Variants in LATS2 observed in about 807,000 individuals in gnomAD.
LATS2 encodes serine/threonine-protein kinase LATS2.
LATS2 carries 24 observed loss-of-function variants against 76.0 expected under a neutral mutation model. The observed-to-expected ratio is 0.32, with a 90% CI of 0.23 to 0.44. LATS2 has a LOEUF of 0.44. Ranked by LOEUF, LATS2 falls within the 20% of genes least tolerant of loss-of-function variation. The probability of loss-of-function intolerance (pLI) is 1.00; values close to 1 mark genes in which losing one functional copy is unlikely to be tolerated. For missense variants in LATS2, 1,286 were observed against 1,481.2 expected (o/e 0.87, Z 2.16); for synonymous variants, 692 against 635.4 (o/e 1.09, Z -1.34).
intron 2 of LATS2, among the ~76,000 whole-genome samples, chr13:21,040,647 T>C (rs531962577): frequency 5.9e-5 from 9 of 152,074 alleles, no homozygotes; most frequent in African/African-American, 1.2e-4. Context: ...AGCTCCTCTG[T>C]AGAGGGGAGC....
At position 20,974,423 on chromosome 13, in the gene LATS2, CTT is replaced by C. The variant is rs199516698; in HGVS notation, c.*445_*446del. 1.7e-3 allele frequency: 342 copies of C among 204,972 alleles called. No individual in the cohort carries two copies. The highest frequency in any genetic ancestry group is 3.0e-3 in the Middle Eastern group (2 of 674). 12.7% of individuals were successfully genotyped at this position (204,972 alleles called of 1,614,324 possible). ...TCCGTGACATTGAGCAGAGTGTTAT[CTT>C]TTTTTTTTTTTACATTATTGCACAG... On this transcript the variant is annotated 3_prime_UTR_variant, in exon 8 of 8. Transcript: ENST00000382592.
At chr13:21,059,009 A>G (rs1873537405) in intron 1 of LATS2, among the ~76,000 whole-genome samples, 1 of 152,076 alleles carries the variant, frequency 6.6e-6, no homozygotes, top group South Asian at 2.1e-4. Context: ...ATTTCCTAAT[A>G]ATCAGCCATG....
chr13:20,976,366 G>A (rs150163527), intron 7 of LATS2, among the ~76,000 whole-genome samples: 254 of 152,248 alleles, frequency 1.7e-3, no homozygotes, highest in African/African-American at 5.6e-3. Context: ...AACATAGGGT[G>A]AAATCTTCAT....
intron 2 of LATS2, among the ~76,000 whole-genome samples, chr13:20,992,654 G>A (rs1346521626): frequency 2.0e-5 from 3 of 152,182 alleles, no homozygotes; most frequent in Non-Finnish European, 1.5e-5. Flanking sequence ...GAAGGTCAAC[G>A]AGGAGGGCAA....
At chr13:20,977,602 ATAAT>A (rs1395643701) in intron 7 of LATS2, among the ~76,000 whole-genome samples, 3 of 148,098 alleles carry the variant, frequency 2.0e-5, no homozygotes, top group Non-Finnish European at 2.9e-5. Context: ...AAAATGGTAA[ATAAT>A]TAAAATAATT....
In LATS2 at chr13:20,988,835, G is replaced by A. The variant is rs1870351242; in HGVS notation, c.945C>T (p.His315=). ...CGGGACCGGCCTGCTTGTGGTGTGG[G>A]TGCGGCACGTAGAGCCCGGCGGCAG... is the stretch of plus-strand genomic sequence containing the variant. ...PPPAAGLYVP[H]PHHKQAGPAA... is the part of the protein sequence containing the mutation. Residue 315 remains histidine, a synonymous_variant, in exon 4 of 8, where the codon CAC becomes CAT. Transcript: ENST00000382592. 5.6e-6 allele frequency: 9 copies of A among 1,596,242 alleles called. No individual in the cohort carries two copies. Among genetic ancestry groups the A allele is most frequent in the Non-Finnish European group, 7.6e-6 (9 of 1,177,150 alleles).
intron 2 of LATS2, among the ~76,000 whole-genome samples, chr13:21,024,093 C>CAAAA (rs748881098): frequency 1.1e-3 from 89 of 79,084 alleles, no homozygotes; most frequent in Middle Eastern, 7.1e-3. Context: ...TCTCGCTGTG[C>CAAAA]AAAAAAAAAA....
At chr13:21,021,803 G>C (rs1872076941) in intron 2 of LATS2, among the ~76,000 whole-genome samples, 1 of 152,248 alleles carries the variant, frequency 6.6e-6, no homozygotes, top group Non-Finnish European at 1.5e-5. Context: ...GGTCCACACT[G>C]CAGTTATGCA....
intron 2 of LATS2, among the ~76,000 whole-genome samples, chr13:21,040,695 G>A (rs902946213): frequency 6.6e-6 from 1 of 152,176 alleles, no homozygotes; most frequent in Non-Finnish European, 1.5e-5. Flanking sequence ...GGAGGCCCCA[G>A]GAGCTGCAGC....
chr13:21,056,769 G>A (rs1220342443), intron 1 of LATS2, among the ~76,000 whole-genome samples: 1 of 152,182 alleles, frequency 6.6e-6, no homozygotes, highest in Non-Finnish European at 1.5e-5. Flanking sequence ...TTCCATGGAG[G>A]AGCACAATTC....
chr13:21,060,544 C>T (rs1340132474), intron 1 of LATS2, among the ~76,000 whole-genome samples: 1 of 152,122 alleles, frequency 6.6e-6, no homozygotes, highest in Non-Finnish European at 1.5e-5. Flanking sequence ...GGCCTGGCCG[C>T]CCGCAGCCCG....
chr13:21,040,282 G>C (rs1872823603), intron 2 of LATS2, among the ~76,000 whole-genome samples: 1 of 151,732 alleles, frequency 6.6e-6, no homozygotes, highest in Middle Eastern at 3.4e-3. Context: ...AGTTACTTTG[G>C]AGGTTGAGGC....
intron 2 of LATS2, among the ~76,000 whole-genome samples, chr13:20,995,781 T>C (rs1297695972): frequency 6.6e-6 from 1 of 152,192 alleles, no homozygotes; most frequent in Non-Finnish European, 1.5e-5. Flanking sequence ...TTTGCACACG[T>C]GCCATTCTTC....
At chr13:21,043,507 G>C (rs1872958741) in intron 2 of LATS2, among the ~76,000 whole-genome samples, 1 of 152,160 alleles carries the variant, frequency 6.6e-6, no homozygotes, top group Non-Finnish European at 1.5e-5. Context: ...GCCAAGAAAA[G>C]TGTGAGTTGG....
chr13:21,051,197 G>T (rs1873263548), intron 1 of LATS2, among the ~76,000 whole-genome samples: 1 of 152,202 alleles, frequency 6.6e-6, no homozygotes, highest in African/African-American at 2.4e-5. Flanking sequence ...TGTGAGACAA[G>T]CCCTCTTATA....
intron 2 of LATS2, among the ~76,000 whole-genome samples, chr13:20,999,558 T>G (rs1335277096): frequency 6.6e-6 from 1 of 152,120 alleles, no homozygotes; most frequent in Non-Finnish European, 1.5e-5. Flanking sequence ...AGCCTGGCAC[T>G]GCCCGGCTTA....
chr13:21,020,756 A>C (rs890456030), intron 2 of LATS2, among the ~76,000 whole-genome samples: 3 of 152,192 alleles, frequency 2.0e-5, no homozygotes, highest in Non-Finnish European at 4.4e-5. Context: ...ACATAAGCTG[A>C]CAACTACCCT....
intron 1 of LATS2, among the ~76,000 whole-genome samples, chr13:21,052,621 G>A (rs1411967235): frequency 6.6e-6 from 1 of 152,138 alleles, no homozygotes; most frequent in African/African-American, 2.4e-5. Context: ...CAAAGAGCTG[G>A]GATAACAGGC....
chr13:21,013,328 G>A (rs2050576), intron 2 of LATS2, among the ~76,000 whole-genome samples: 12,654 of 152,238 alleles, frequency 0.083, 1,100 homozygotes, highest in East Asian at 0.44. Context: ...ATCCTGGCTC[G>A]ATGCCTAATA....
Sources: allele counts gnomAD v4.1 joint callset (sites outside exome capture counted in the v4.1 genomes callset), GRCh38; gene constraint gnomAD v4.1.1; transcripts MANE v1.5; gene names NCBI Gene and HGNC (gene_info 2026-07-23, HGNC 2026-07-21).